CDON: variants seen among roughly 807,000 people sequenced by gnomAD.
CDON encodes cell adhesion associated, oncogene regulated.
A neutral mutation model predicts 120.9 loss-of-function variants in CDON; 73 were observed. That is an observed-to-expected ratio of 0.60 (90% CI 0.50 to 0.73). The LOEUF (loss-of-function observed/expected upper bound fraction) is 0.73, where lower values mean the gene tolerates loss of function less well. CDON is among the 30% of genes least tolerant of loss of function. The pLI is 0.00. For synonymous variants in CDON, 566 were observed against 573.5 expected (o/e 0.99, Z 0.19); for missense variants, 1,470 against 1,587.3 (o/e 0.93, Z 1.26).
chr11:126,040,746 C>CAGA (rs1293200068), intron 1 of CDON, among the ~76,000 whole-genome samples: 1 of 125,148 alleles, frequency 8.0e-6, no homozygotes, highest in Non-Finnish European at 1.6e-5. Context: ...ACCCGGGAGG[C>CAGA]GGAGCTGGCA....
chr11:125,964,553 T>C (rs1449807603), intron 18 of CDON, among the ~76,000 whole-genome samples: 1 of 151,664 alleles, frequency 6.6e-6, no homozygotes, highest in Non-Finnish European at 1.5e-5. Context: ...ATGTCTAAAA[T>C]TCAAAGGTAA....
rs756014069 is a variant in CDON, at chr11:126,010,434, T to C, written c.1459A>G (p.Ile487Val). Residue 487 changes from isoleucine (I) to valine (V), a missense_variant, in exon 8 of 20, where the codon ATT (isoleucine) becomes GTT (valine). Coordinates refer to ENST00000531738, the MANE Select transcript of CDON (RefSeq NM_001378964.1). ...GCATGTTCCTGAGTCACAGCCTGAA[T>C]ATGGAGAGAGCTTGCACCAGCTTGG... ...LSQAGASSLHIQAVTQEHAGK... is the reference protein window; with the variant it reads ...LSQAGASSLHVQAVTQEHAGK... 3 of 1,614,102 alleles carry C rather than the reference T, an allele frequency of 1.9e-6. No individual in the cohort carries two copies. The highest frequency in any genetic ancestry group is 1.7e-6 in the Non-Finnish European group (2 of 1,179,982).
In CDON at chr11:125,957,512, T is replaced by C. The variant is rs773724685; in HGVS notation, c.*3430A>G. 7 of 152,358 alleles carry C rather than the reference T, an allele frequency of 4.6e-5. No individual in the cohort carries two copies. Among genetic ancestry groups the C allele is most frequent in the Admixed American group, 1.3e-4 (2 of 15,300 alleles). The allele number at this position is 152,358 out of a possible 1,614,324, so 9.4% of individuals were successfully genotyped here. ...TCAACCAAATAAAACCTGCCAAAGC[T>C]ACATCATTTAAAATATGTACAGTTT... On this transcript the variant is annotated 3_prime_UTR_variant, in exon 20 of 20. Transcript: ENST00000531738.
chr11:126,048,684 A>C (rs1442433969), intron 1 of CDON, among the ~76,000 whole-genome samples: 4 of 151,278 alleles, frequency 2.6e-5, no homozygotes, highest in South Asian at 2.1e-4. Flanking sequence ...AGGTTCTCTA[A>C]AATTTCAACA....
intron 17 of CDON, among the ~76,000 whole-genome samples, chr11:125,979,298 C>T (rs1464628526): frequency 6.6e-6 from 1 of 152,148 alleles, no homozygotes; most frequent in Non-Finnish European, 1.5e-5. Context: ...AACCAAAAGT[C>T]CTGAAAATTT....
At chr11:125,971,194 T>C (rs61050164) in intron 18 of CDON, among the ~76,000 whole-genome samples, 5,340 of 152,092 alleles carry the variant, frequency 0.035, 274 homozygotes, top group African/African-American at 0.11. Flanking sequence ...CCATCCTGGC[T>C]AACACAGTGA....
chr11:125,991,107 A>G (rs1398585427), intron 14 of CDON, among the ~76,000 whole-genome samples: 1 of 152,200 alleles, frequency 6.6e-6, no homozygotes, highest in East Asian at 1.9e-4. Flanking sequence ...TTCCTTTCAT[A>G]GCGTTCATAA....
intron 11 of CDON, among the ~76,000 whole-genome samples, chr11:125,998,030 G>A (rs75885548): frequency 0.028 from 4,262 of 152,266 alleles, 74 homozygotes; most frequent in Middle Eastern, 0.058. Context: ...TTAAACAAAA[G>A]TGCTAGCAGA....
At chr11:126,000,672 C>G (rs1946917912) in intron 11 of CDON, among the ~76,000 whole-genome samples, 2 of 152,230 alleles carry the variant, frequency 1.3e-5, no homozygotes, top group African/African-American at 2.4e-5. Context: ...ACGTAATCTG[C>G]TTAAGGTAGC....
intron 18 of CDON, among the ~76,000 whole-genome samples, chr11:125,976,936 C>T (rs1591556331): frequency 1.3e-5 from 2 of 152,174 alleles, no homozygotes; most frequent in East Asian, 3.8e-4. Context: ...ACCAGAGATC[C>T]TGTCGTTATA....
At chr11:126,011,363 C>T (rs1196889507) in intron 7 of CDON, among the ~76,000 whole-genome samples, 1 of 152,172 alleles carries the variant, frequency 6.6e-6, no homozygotes, top group African/African-American at 2.4e-5. Flanking sequence ...TTTCTCCAGT[C>T]CTCCTTCCCA....
intron 7 of CDON, among the ~76,000 whole-genome samples, chr11:126,013,870 A>C (rs77611445): frequency 0.085 from 12,858 of 151,428 alleles, 635 homozygotes; most frequent in South Asian, 0.12. Flanking sequence ...AGTAGTTTTT[A>C]GTCTTACTAA....
Position 125,994,172 on chromosome 11 carries a change from C to T in CDON, c.2650+112G>A, listed in dbSNP as rs186264237. On this transcript the variant is annotated intron_variant, in intron 14 of 19. Transcript: ENST00000531738. ...TGGGACAAATTCAACAGCAATAACACATACACCATTCCATTTTGTACTGTC... is the reference window on the plus strand; with the variant it reads ...TGGGACAAATTCAACAGCAATAACATATACACCATTCCATTTTGTACTGTC... 146 of 721,224 alleles carry T rather than the reference C, an allele frequency of 2.0e-4. No individual in the cohort carries two copies. The African/African-American group carries it at 2.0e-3, about 10-fold the overall frequency. The allele number at this position is 721,224 out of a possible 1,614,324, so 44.7% of individuals were successfully genotyped here.
At chr11:126,012,387 T>C (rs1272665755) in intron 7 of CDON, among the ~76,000 whole-genome samples, 1 of 152,102 alleles carries the variant, frequency 6.6e-6, no homozygotes, top group Non-Finnish European at 1.5e-5. Context: ...TTGTTGCTGG[T>C]ATGCAGAAAG....
chr11:125,963,425 C>T (rs1298287999), intron 18 of CDON, among the ~76,000 whole-genome samples: 20 of 152,056 alleles, frequency 1.3e-4, no homozygotes, highest in Admixed American at 6.6e-5. Flanking sequence ...AGCTAGATAA[C>T]GTTAGGCAAT....
rs1036869171 is a variant in CDON at position 126,003,925 on chromosome 11, A to C, written c.2003T>G (p.Met668Arg). Reference protein sequence around the residue: ...RSAAGEGQPAMLTFRTSKEKT... With the variant: ...RSAAGEGQPARLTFRTSKEKT... Reference sequence around the variant, plus strand: ...ACCTTTGCTGGTTCGGAAGGTAAGCATGGCAGGTTGGCCTTCACCTGCTGC... The same window carrying C: ...ACCTTTGCTGGTTCGGAAGGTAAGCCTGGCAGGTTGGCCTTCACCTGCTGC... The change falls in exon 10 of 20, where the codon ATG becomes AGG. Residue 668 changes from methionine (M) to arginine (R), a missense_variant. Transcript: ENST00000531738. The C allele has an allele frequency of 6.2e-7, 1 of 1,614,186 alleles. No individual in the cohort carries two copies. The highest frequency in any genetic ancestry group is 8.5e-7 in the Non-Finnish European group (1 of 1,180,030).
At chr11:126,063,235 G>A (rs887467677), upstream of CDON, 7 of 152,364 alleles carry the variant, frequency 4.6e-5, no homozygotes, top group Admixed American at 4.6e-4. Flanking sequence ...CCAAGTCACG[G>A]AGATTCCCAT....
In CDON at chr11:126,015,038, CTT is replaced by C. The variant is rs935289000; in HGVS notation, c.1198+201_1198+202del. On this transcript the variant is annotated intron_variant, in intron 7 of 19. Coordinates refer to ENST00000531738, the MANE Select transcript of CDON (RefSeq NM_001378964.1). Reference sequence around the variant, plus strand: ...GAATCTGTTGAAAATTTTTTAAAAACTTTTTTTAATGAGCTTGATTAATAAGA... The same window carrying C: ...GAATCTGTTGAAAATTTTTTAAAAACTTTTTAATGAGCTTGATTAATAAGA... 5 of 599,888 alleles carry C rather than the reference CTT, an allele frequency of 8.3e-6. No homozygotes were observed. In the African/African-American group the frequency reaches 9.3e-5, roughly 11 times the overall value. The allele number at this position is 599,888 out of a possible 1,614,324, so 37.2% of individuals were successfully genotyped here.
In CDON at chr11:126,055,731, T is replaced by A. The variant is rs999353008; in HGVS notation, c.-62+6848A>T. Among the ~76,000 whole-genome samples, 9 of 152,308 alleles carry A rather than the reference T, an allele frequency of 5.9e-5. 1 individual carries two copies. Among genetic ancestry groups the A allele is most frequent in the Middle Eastern group, 3.4e-3 (1 of 294 alleles). On this transcript the variant is annotated intron_variant, in intron 1 of 19. Coordinates refer to ENST00000531738, the MANE Select transcript of CDON (RefSeq NM_001378964.1). ...ATAAATAACTGGGCCAACAAATGGCTTCAGATGTGTACCTATATAAAAAGG... is the reference window on the plus strand; with the variant it reads ...ATAAATAACTGGGCCAACAAATGGCATCAGATGTGTACCTATATAAAAAGG...
Sources: allele counts gnomAD v4.1 joint callset (sites outside exome capture counted in the v4.1 genomes callset), GRCh38; gene constraint gnomAD v4.1.1; transcripts MANE v1.5; gene names NCBI Gene and HGNC (gene_info 2026-07-23, HGNC 2026-07-21).